VWA3B: variants seen among roughly 807,000 people sequenced by gnomAD.
VWA3B encodes the protein von Willebrand factor A domain-containing protein 3B.
Under a neutral mutation model 158.3 loss-of-function variants are expected in VWA3B, and 138 were observed. The observed-to-expected ratio is 0.87, with a 90% confidence interval of 0.76 to 1.00. The LOEUF is 1.00. VWA3B is among the 50% of genes least tolerant of loss of function. The pLI is 0.00. For synonymous variants in VWA3B, 596 were observed against 587.3 expected (o/e 1.01, Z -0.21); for missense variants, 1,555 against 1,565.1 (o/e 0.99, Z 0.11).
intron 10 of VWA3B, among the ~76,000 whole-genome samples, chr2:98,189,620 T>C (rs1316969413): frequency 1.3e-5 from 2 of 152,214 alleles, no homozygotes; most frequent in African/African-American, 2.4e-5. Context: ...AAGTCTTTCA[T>C]ATTATTACTG....
At chr2:98,105,894 GT>G (rs1156900840) in intron 2 of VWA3B, among the ~76,000 whole-genome samples, 1 of 151,606 alleles carries the variant, frequency 6.6e-6, no homozygotes, top group East Asian at 1.9e-4. Flanking sequence ...TCTCTATTTT[GT>G]TTTTATTTAT....
intron 20 of VWA3B, among the ~76,000 whole-genome samples, chr2:98,252,944 C>T (rs1049156454): frequency 2.0e-5 from 3 of 152,050 alleles, no homozygotes; most frequent in South Asian, 2.1e-4. Flanking sequence ...TTATTAATAA[C>T]AATTTTAACA....
intron 26 of VWA3B, among the ~76,000 whole-genome samples, chr2:98,309,384 T>G (rs1690741024): frequency 6.6e-6 from 1 of 152,158 alleles, no homozygotes; most frequent in African/African-American, 2.4e-5. Flanking sequence ...TTGAGGGTCA[T>G]TGTGTGGTCC....
chr2:98,281,304 C>T (rs1188031719), intron 22 of VWA3B, among the ~76,000 whole-genome samples: 6 of 152,144 alleles, frequency 3.9e-5, no homozygotes, highest in African/African-American at 1.4e-4. Flanking sequence ...GCAAATGTCC[C>T]GGTCTTTTAA....
At chr2:98,180,068 C>T (rs1332021251) in intron 8 of VWA3B, among the ~76,000 whole-genome samples, 1 of 145,392 alleles carries the variant, frequency 6.9e-6, no homozygotes, top group Non-Finnish European at 1.5e-5. Flanking sequence ...TTCTCTCTTT[C>T]TCTCTTTCTT....
Position 98,236,475 on chromosome 2 carries a change from C to T in VWA3B, c.2514C>T (p.His838=), listed in dbSNP as rs138489409. 1.6e-4 allele frequency: 255 copies of T among 1,614,186 alleles called. 1 individual carries two copies. The highest frequency in any genetic ancestry group is 1.2e-3 in the African/African-American group (88 of 75,054). ...GAGAAGGAAGCCAGGTTTATGACCA[C>T]GAGTGAGTTCTTTAATTTGACAAAG... The part of the protein sequence containing the change: ...VTREGSQVYD[H]DSSDVSSENW... The change falls in exon 18 of 28, where the codon CAC becomes CAT. Residue 838 remains histidine, a splice_region_variant and synonymous_variant. Coordinates refer to ENST00000477737, the MANE Select transcript of VWA3B (RefSeq NM_144992.5).
chr2:98,104,482 C>T (rs1343605497), intron 2 of VWA3B, among the ~76,000 whole-genome samples: 1 of 152,288 alleles, frequency 6.6e-6, no homozygotes, highest in Admixed American at 6.5e-5. Context: ...TGAGAACTCC[C>T]TCATTCCCAC....
At chr2:98,231,362 C>G (rs1685322089) in intron 16 of VWA3B, among the ~76,000 whole-genome samples, 1 of 152,146 alleles carries the variant, frequency 6.6e-6, no homozygotes, top group African/African-American at 2.4e-5. Context: ...AATCACTGTA[C>G]TGGACATTAA....
intron 10 of VWA3B, among the ~76,000 whole-genome samples, chr2:98,189,964 G>T (rs1440593529): frequency 6.6e-6 from 1 of 152,008 alleles, no homozygotes; most frequent in Non-Finnish European, 1.5e-5. Context: ...ACAGACACAA[G>T]ATATATAATT....
chr2:98,316,646 CAAAA>C (rs57574289), downstream of VWA3B, among the ~76,000 whole-genome samples: 2 of 64,230 alleles, frequency 3.1e-5, no homozygotes, highest in African/African-American at 5.6e-5. Flanking sequence ...AACTCTGTCT[CAAAA>C]AAAAAAAAAA....
chr2:98,128,506 G>A lies in VWA3B; in HGVS notation c.872+98G>A. ...CATTCTTCGTGGCTTTAACCAATCTGTTGCTGTGTTCTCCTCTTTCCAGTA... is the reference window on the plus strand; with the variant it reads ...CATTCTTCGTGGCTTTAACCAATCTATTGCTGTGTTCTCCTCTTTCCAGTA... On this transcript the variant is annotated intron_variant, in intron 6 of 27. Coordinates refer to ENST00000477737, the MANE Select transcript of VWA3B (RefSeq NM_144992.5). The A allele has an allele frequency of 2.4e-6, 3 of 1,252,376 alleles. No homozygotes were observed. In the South Asian group the frequency reaches 4.3e-5, roughly 18 times the overall value. 77.6% of individuals were successfully genotyped at this position (1,252,376 alleles called of 1,614,324 possible).
intron 8 of VWA3B, among the ~76,000 whole-genome samples, chr2:98,177,906 A>G (rs1251113403): frequency 1.3e-5 from 2 of 152,200 alleles, no homozygotes; most frequent in Non-Finnish European, 2.9e-5. Flanking sequence ...GCAGAAGGGT[A>G]TAATAAGGTG....
intron 7 of VWA3B, among the ~76,000 whole-genome samples, chr2:98,153,704 C>T (rs1677824372): frequency 6.6e-6 from 1 of 152,212 alleles, no homozygotes; most frequent in Non-Finnish European, 1.5e-5. Flanking sequence ...TTTCAGAAGT[C>T]TCCTTCCTTC....
intron 8 of VWA3B, among the ~76,000 whole-genome samples, chr2:98,174,357 A>G (rs1679834706): frequency 6.6e-6 from 1 of 152,142 alleles, no homozygotes; most frequent in South Asian, 2.1e-4. Context: ...AGGGGGCAGG[A>G]TGGGGTTGGA....
Position 98,119,630 on chromosome 2 carries a change from A to G in VWA3B, c.409A>G (p.Ile137Val), listed in dbSNP as rs1248882015. 1 of 1,614,174 alleles carries G rather than the reference A, an allele frequency of 6.2e-7. No homozygotes were observed. Among genetic ancestry groups the G allele is most frequent in the East Asian group, 2.2e-5 (1 of 44,880 alleles). ...CAAGAGCCGGCAGATTTTTGGTGTCATCTTGGAACAGTGCGTCACCATAGT... is the reference window on the plus strand; with the variant it reads ...CAAGAGCCGGCAGATTTTTGGTGTCGTCTTGGAACAGTGCGTCACCATAGT... ...TSKSRQIFGV[I>V]LEQCVTIVLD... The change falls in exon 4 of 28, where the codon ATC (isoleucine) becomes GTC (valine). Residue 137 changes from isoleucine (I) to valine (V), a missense_variant. Ile to Val is a conservative substitution (Grantham distance 29). Transcript: ENST00000477737.
chr2:98,088,582 A>G (rs537124923), intron 1 of VWA3B, among the ~76,000 whole-genome samples: 1 of 152,052 alleles, frequency 6.6e-6, no homozygotes, highest in African/African-American at 2.4e-5. Context: ...AACTCTATGT[A>G]TGGTTCTTGG....
At chr2:98,094,049 A>C (rs1262309593) in intron 2 of VWA3B, among the ~76,000 whole-genome samples, 1 of 152,212 alleles carries the variant, frequency 6.6e-6, no homozygotes, top group Non-Finnish European at 1.5e-5. Context: ...ATTGATGGAC[A>C]CTTAAGTTGA....
chr2:98,256,805 C>CTATTTTTCTAAATAAATAGAACA (rs1687181114), intron 21 of VWA3B, among the ~76,000 whole-genome samples: 2 of 152,036 alleles, frequency 1.3e-5, no homozygotes, highest in East Asian at 3.9e-4. Flanking sequence ...TAGAACATAT[C>CTATTTTTCTAAATAAATAGAACA]TATTTATTTT....
chr2:98,325,584 G>A, the VWA3B span, among the ~76,000 whole-genome samples: 1 of 152,174 alleles, frequency 6.6e-6, no homozygotes, highest in South Asian at 2.1e-4. Flanking sequence ...CGTATCTTAA[G>A]GTTGAGATGA....
Sources: allele counts gnomAD v4.1 joint callset (sites outside exome capture counted in the v4.1 genomes callset), GRCh38; gene constraint gnomAD v4.1.1; transcripts MANE v1.5; gene names NCBI Gene and HGNC (gene_info 2026-07-23, HGNC 2026-07-21).